The following TIAM2 variants were observed in gnomAD, a reference collection of about 807,000 sequenced individuals.
TIAM2 encodes rho guanine nucleotide exchange factor TIAM2.
A neutral mutation model predicts 152.9 loss-of-function variants in TIAM2; 80 were observed. The ratio of observed to expected loss-of-function variants is 0.52; its 90% CI spans 0.44 to 0.63. TIAM2 has a LOEUF of 0.63. Among genes scored for constraint, TIAM2 ranks in the 30% least tolerant of loss-of-function variants. The pLI, the probability that TIAM2 is intolerant of heterozygous loss-of-function variation, is 0.00. For missense variants in TIAM2, 1,965 were observed against 2,120.1 expected, an observed-to-expected ratio of 0.93 and a Z score of 1.44; for synonymous variants, 804 against 838.0, an observed-to-expected ratio of 0.96 and a Z score of 0.70.
chr6:155,076,463 A>G (rs1044984003), intron 1 of TIAM2, among the ~76,000 whole-genome samples: 1 of 152,196 alleles, frequency 6.6e-6, no homozygotes, highest in Non-Finnish European at 1.5e-5. Context: ...AAATGCTTTC[A>G]GTAGAAGGAA....
intron 1 of TIAM2, among the ~76,000 whole-genome samples, chr6:155,088,333 G>A (rs1415323160): frequency 2.6e-5 from 4 of 151,812 alleles, no homozygotes; most frequent in South Asian, 4.2e-4. Context: ...TGCCCACCTC[G>A]GCCTCCCAAA....
At chr6:155,254,281 C>T in intron 25 of TIAM2, 138 bp from the exon 26 acceptor site, 2 of 1,161,106 alleles carry the variant, frequency 1.7e-6, no homozygotes, top group Non-Finnish European at 2.5e-6. Flanking sequence ...GTACGGGAGG[C>T]CACATGGCAC....
intron 2 of TIAM2, among the ~76,000 whole-genome samples, chr6:155,092,667 C>A (rs1304351537): frequency 1.3e-5 from 2 of 151,590 alleles, no homozygotes; most frequent in African/African-American, 2.4e-5. Context: ...ACCAGTCTGA[C>A]CAACATGGAG....
rs935442814 is a variant in TIAM2 at position 154,995,780 on chromosome 6, C to T, written c.-209+288C>T. Among the ~76,000 whole-genome samples the T allele has an allele frequency of 6.6e-6, 1 of 152,228 alleles. No homozygotes were observed. The highest frequency in any genetic ancestry group is 2.4e-5 in the African/African-American group (1 of 41,466). On this transcript the variant is annotated intron_variant, in intron 1 of 26. Transcript: ENST00000682666. The surrounding 1 kb of genome is among the most constrained non-coding windows in gnomAD (Gnocchi z 5.2). Reference sequence around the variant, plus strand: ...GAAACTAGGTCCCCTGGTCCCCTCGCGCTGCGCGACACGCCAGGACCCACT... The same window carrying T: ...GAAACTAGGTCCCCTGGTCCCCTCGTGCTGCGCGACACGCCAGGACCCACT...
chr6:155,180,762 C>G (rs975492405), intron 12 of TIAM2, among the ~76,000 whole-genome samples: 1 of 152,068 alleles, frequency 6.6e-6, no homozygotes, highest in Non-Finnish European at 1.5e-5. Context: ...GTGCTTGCCA[C>G]CACACCTGGC....
chr6:155,170,106 T>G (rs546621877), intron 9 of TIAM2, among the ~76,000 whole-genome samples: 1 of 151,340 alleles, frequency 6.6e-6, no homozygotes, highest in South Asian at 2.1e-4. Flanking sequence ...CGTGAGCCAC[T>G]GCACCCAGCC....
chr6:155,244,929 C>T, intron 18 of TIAM2, 146 bp downstream of exon 18: 1 of 1,073,148 alleles, frequency 9.3e-7, no homozygotes, highest in Non-Finnish European at 1.3e-6. Flanking sequence ...GCACCGTTTT[C>T]CTCTGTCAGG....
At chr6:155,108,945 A>G (rs1414621622) in intron 2 of TIAM2, among the ~76,000 whole-genome samples, 6 of 152,100 alleles carry the variant, frequency 3.9e-5, no homozygotes, top group Non-Finnish European at 7.4e-5. Context: ...TGTGATTATA[A>G]TAAATCAGGT....
rs1208931799 is a variant in TIAM2 at position 154,995,683 on chromosome 6, C to A, written c.-209+191C>A. On this transcript the variant is annotated intron_variant, in intron 1 of 26. Transcript: ENST00000682666. The surrounding 1 kb of genome is among the most constrained non-coding windows in gnomAD (Gnocchi z 5.2). Reference sequence around the variant, plus strand: ...CGCGGCTGCGGGGCGCGGCCTGGCACCCTCTCCCCGGAGGGCGGCAGCGTC... The same window carrying A: ...CGCGGCTGCGGGGCGCGGCCTGGCAACCTCTCCCCGGAGGGCGGCAGCGTC... Among the ~76,000 whole-genome samples the A allele has an allele frequency of 1.3e-5, 2 of 151,996 alleles. No homozygotes were observed. Among genetic ancestry groups the A allele is most frequent in the South Asian group, 2.1e-4 (1 of 4,824 alleles).
intron 2 of TIAM2, among the ~76,000 whole-genome samples, chr6:155,099,220 ATGTGTGTGTGTG>A (rs34269926): frequency 2.5e-3 from 375 of 148,278 alleles, no homozygotes; most frequent in Middle Eastern, 6.8e-3. Flanking sequence ...GTATATATAT[ATGTGTGTGTGTG>A]TGTGTGTGTG....
chr6:155,253,428 T>C (rs1447935612), intron 24 of TIAM2: 1 of 187,222 alleles, frequency 5.3e-6, no homozygotes, highest in Non-Finnish European at 1.1e-5. Flanking sequence ...GTAGGTGATA[T>C]AAAAAGAAAA....
intron 19 of TIAM2, 24 bp downstream of exon 19, chr6:155,245,755 GTT>G (rs11435976): frequency 1.2e-4 from 119 of 1,022,938 alleles, no homozygotes; most frequent in South Asian, 3.1e-4. Context: ...GCCTTTTATA[GTT>G]TTTTTTTTTT....
At chr6:155,208,796 C>T (rs1043188111) in intron 14 of TIAM2, among the ~76,000 whole-genome samples, 1 of 152,156 alleles carries the variant, frequency 6.6e-6, no homozygotes, top group Non-Finnish European at 1.5e-5. Context: ...GGTCCTTACA[C>T]CTTGTACCTG....
chr6:155,034,142 G>T (rs1273232500), intron 1 of TIAM2, among the ~76,000 whole-genome samples: 1 of 151,714 alleles, frequency 6.6e-6, no homozygotes, highest in Non-Finnish European at 1.5e-5. Context: ...GTTCTCTTCA[G>T]TGGATAATTT....
At chr6:155,090,930 G>A (rs1480443128) in intron 2 of TIAM2, among the ~76,000 whole-genome samples, 1 of 152,062 alleles carries the variant, frequency 6.6e-6, no homozygotes, top group Non-Finnish European at 1.5e-5. Context: ...TGTTGGTGTC[G>A]CAGGTTAAGT....
intron 5 of TIAM2, 111 bp from the exon 6 acceptor site, chr6:155,144,495 A>G (rs934936835): frequency 1.9e-6 from 2 of 1,057,882 alleles, no homozygotes; most frequent in African/African-American, 3.3e-5. Context: ...TGTTTCTGTC[A>G]CATGATTGTC....
At position 155,029,608 on chromosome 6, in the gene TIAM2, ACT is replaced by A. The variant is rs540237289; in HGVS notation, c.-209+34119_-209+34120del. On this transcript the variant is annotated intron_variant, in intron 1 of 26. Transcript: ENST00000682666. The stretch of plus-strand genomic sequence containing the variant: ...ACTATATAGTATATATAGTTATATA[ACT>A]CTGTATATATGTATATAACTATATA... 9.6e-3 allele frequency among the ~76,000 whole-genome samples: 713 copies of A among 74,330 alleles called. 43 individuals carry two copies. Among genetic ancestry groups the A allele is most frequent in the African/African-American group, 0.039 (673 of 17,216 alleles). The allele number at this position is 74,330 out of a possible 152,430, so 48.8% of individuals were successfully genotyped here. A position where few individuals can be genotyped will look rare whatever the true frequency, so the allele number is the denominator to read the frequency against.
chr6:155,041,590 C>A (rs1203796711), intron 1 of TIAM2, among the ~76,000 whole-genome samples: 2 of 152,116 alleles, frequency 1.3e-5, no homozygotes, highest in African/African-American at 4.8e-5. Flanking sequence ...GAAAGTCTTA[C>A]AAAAATTAGT....
At chr6:155,151,958 C>T (rs985220941) in intron 7 of TIAM2, among the ~76,000 whole-genome samples, 1 of 150,764 alleles carries the variant, frequency 6.6e-6, no homozygotes, top group African/African-American at 2.4e-5. Context: ...GATTCCCATG[C>T]GTCAGCCTCC....
Sources: gnomAD v4.1 joint callset for allele counts (sites outside exome capture counted in the v4.1 genomes callset) on GRCh38, gnomAD v4.1.1 for gene constraint, Gnocchi (gnomAD v3.1) non-coding constraint, MANE v1.5 for transcripts, NCBI Gene and HGNC (gene_info 2026-07-23, HGNC 2026-07-21) for gene names.